Variants in TDRD9 observed in about 807,000 individuals in gnomAD.
The protein encoded by TDRD9 is ATP-dependent RNA helicase TDRD9.
Under a neutral mutation model 172.6 loss-of-function variants are expected in TDRD9, and 124 were observed. That is an observed-to-expected ratio of 0.72 (90% CI 0.62 to 0.83). TDRD9 has a LOEUF of 0.83. Ranked by LOEUF, TDRD9 falls within the 40% of genes least tolerant of loss-of-function variation. TDRD9 has a pLI of 0.00. For missense variants in TDRD9, 1,479 were observed against 1,714.1 expected (o/e 0.86, Z 2.42); for synonymous variants, 619 against 617.1 (o/e 1.00, Z -0.05).
At chr14:103,930,345 G>A (rs1010579668) in intron 1 of TDRD9, among the ~76,000 whole-genome samples, 1 of 152,026 alleles carries the variant, frequency 6.6e-6, no homozygotes, top group Non-Finnish European at 1.5e-5. Flanking sequence ...GTGCCACCAC[G>A]CCCAGCTTAT....
chr14:103,936,993 G>A (rs1444250643), intron 1 of TDRD9, among the ~76,000 whole-genome samples: 1 of 152,148 alleles, frequency 6.6e-6, no homozygotes, highest in Non-Finnish European at 1.5e-5. Flanking sequence ...TTGGCAGGCT[G>A]ACTCAGAAGG....
At chr14:104,006,923 G>A (rs2034459532) in intron 18 of TDRD9, 78 bp downstream of exon 18, 1 of 1,236,794 alleles carries the variant, frequency 8.1e-7, no homozygotes, top group East Asian at 2.5e-5. Flanking sequence ...AACATATGAG[G>A]TAGAGACAGA....
intron 24 of TDRD9, among the ~76,000 whole-genome samples, chr14:104,023,184 CAAAAAAAAAAAAAAA>C (rs10661391): frequency 7.8e-5 from 5 of 64,434 alleles, no homozygotes; most frequent in Admixed American, 5.5e-4. Context: ...GACTCCGTCT[CAAAAAAAAAAAAAAA>C]AAAAAAAAAA....
Position 104,049,664 on chromosome 14 carries a change from C to A in TDRD9, c.4031C>A (p.Pro1344His). Reference protein sequence around the residue: ...EKIVPKWHEKPYEWNQVDPKL... With the variant: ...EKIVPKWHEKHYEWNQVDPKL... ...ATTGTTCCCAAGTGGCATGAAAAGC[C>A]CTACGAGTGGAATCAGGTGAGTGGG... The change falls in exon 35 of 36, where the codon CCC becomes CAC. Residue 1344 changes from proline to histidine, a missense_variant. This residue lies in a region of TDRD9 where 1,413 missense variants were observed against 1,649.1 expected (regional missense o/e 0.86). Coordinates refer to ENST00000409874, the MANE Select transcript of TDRD9 (RefSeq NM_153046.3). 1.3e-6 allele frequency: 2 copies of A among 1,590,448 alleles called. No homozygotes were observed. The highest frequency in any genetic ancestry group is 2.3e-5 in the East Asian group (1 of 43,698).
intron 1 of TDRD9, among the ~76,000 whole-genome samples, chr14:103,944,150 G>T (rs940885075): frequency 6.9e-6 from 1 of 145,736 alleles, no homozygotes; most frequent in East Asian, 2.2e-4. Flanking sequence ...CCAAATTTCT[G>T]TTCAAGGCCC....
intron 23 of TDRD9, among the ~76,000 whole-genome samples, chr14:104,019,479 G>A (rs372915553): frequency 1.3e-5 from 2 of 152,114 alleles, no homozygotes; most frequent in African/African-American, 4.8e-5. Flanking sequence ...TTTTTTATAG[G>A]TGTTTATATC....
At chr14:103,932,853 C>CA (rs1433379848) in intron 1 of TDRD9, among the ~76,000 whole-genome samples, 1 of 151,996 alleles carries the variant, frequency 6.6e-6, no homozygotes, top group Non-Finnish European at 1.5e-5. Context: ...AGCAGAAGAA[C>CA]ATGGGCAATT....
chr14:104,040,450 C>A, intron 33 of TDRD9, 116 bp downstream of exon 33: 1 of 1,166,608 alleles, frequency 8.6e-7, no homozygotes, highest in Non-Finnish European at 1.1e-6. Flanking sequence ...ACCTCTGGTC[C>A]TGGAGATGTG....
chr14:104,005,085 ATC>A (rs771758501), intron 14 of TDRD9, 187 bp from the exon 15 acceptor site: 103 of 382,786 alleles, frequency 2.7e-4, no homozygotes, highest in Middle Eastern at 6.0e-4. Context: ...TTATTTTTCC[ATC>A]TCTTTCTCTC....
chr14:103,962,965 AGTGTGT>A (rs55873775), intron 2 of TDRD9, 108 bp from the exon 3 acceptor site: 6 of 404,646 alleles, frequency 1.5e-5, no homozygotes, highest in South Asian at 1.1e-4. Context: ...TTTGTATTTG[AGTGTGT>A]GTGTGTGTGT....
chr14:104,045,531 C>G (rs1297212753), intron 34 of TDRD9, among the ~76,000 whole-genome samples: 6 of 151,702 alleles, frequency 4.0e-5, no homozygotes, highest in African/African-American at 1.5e-4. Flanking sequence ...CGATTAGTTT[C>G]ACCATTGTGT....
intron 20 of TDRD9, chr14:104,014,073 C>T (rs906206407): frequency 1.3e-5 from 2 of 151,670 alleles, no homozygotes; most frequent in Non-Finnish European, 2.9e-5. Context: ...ACTAAAAATA[C>T]AAAAAATTAG....
intron 3 of TDRD9, 71 bp from the exon 4 acceptor site, chr14:103,965,262 A>G: frequency 3.7e-6 from 5 of 1,356,598 alleles, no homozygotes; most frequent in Non-Finnish European, 5.1e-6. Context: ...ATCCTGAAAG[A>G]CTTCTTAATA....
At chr14:104,007,781 G>A (rs1447245621) in intron 19 of TDRD9, among the ~76,000 whole-genome samples, 2 of 151,282 alleles carry the variant, frequency 1.3e-5, no homozygotes, top group Non-Finnish European at 2.9e-5. Flanking sequence ...GGTGTTTAAA[G>A]TCTTTTTTTT....
At chr14:103,991,034 AG>A in intron 8 of TDRD9, 125 bp from the exon 9 acceptor site, 2 of 1,078,784 alleles carry the variant, frequency 1.9e-6, no homozygotes, top group South Asian at 3.3e-5. Flanking sequence ...ATGTAAAATA[AG>A]GAACATTACA....
chr14:104,013,155 T>C (rs916412268), intron 20 of TDRD9, among the ~76,000 whole-genome samples: 5 of 152,210 alleles, frequency 3.3e-5, no homozygotes, highest in African/African-American at 7.2e-5. Context: ...TTAGTTGTTA[T>C]TCCCCCCAGT....
chr14:103,932,416 C>T lies in TDRD9; in HGVS notation c.215+3692C>T, dbSNP rs535992254. On this transcript the variant is annotated intron_variant, in intron 1 of 35. Coordinates refer to ENST00000409874, the MANE Select transcript of TDRD9 (RefSeq NM_153046.3). Reference sequence around the variant, plus strand: ...GCTTTTTTTCTTTTTGAGACGGAGTCTCGCTCTGTCGCCCAGGCTGGAGTG... The same window carrying T: ...GCTTTTTTTCTTTTTGAGACGGAGTTTCGCTCTGTCGCCCAGGCTGGAGTG... Among the ~76,000 whole-genome samples the T allele has an allele frequency of 2.2e-4, 34 of 152,120 alleles. 1 individual carries two copies. Among genetic ancestry groups the T allele is most frequent in the Non-Finnish European group, 4.0e-4 (27 of 67,982 alleles).
chr14:104,019,434 C>T (rs2034887537), intron 23 of TDRD9, among the ~76,000 whole-genome samples: 1 of 152,162 alleles, frequency 6.6e-6, no homozygotes, highest in African/African-American at 2.4e-5. Flanking sequence ...ACAATCTCGG[C>T]TCACTGCAAC....
chr14:104,033,865 T>C (rs1416423608), intron 30 of TDRD9, 95 bp from the exon 31 acceptor site: 1 of 726,218 alleles, frequency 1.4e-6, no homozygotes, highest in African/African-American at 1.8e-5. Flanking sequence ...CAGTTGCCCG[T>C]TTGTATTTTT....
Sources: allele counts gnomAD v4.1 joint callset (sites outside exome capture counted in the v4.1 genomes callset), GRCh38; gene constraint gnomAD v4.1.1; regional missense constraint gnomAD v4.1.1; transcripts MANE v1.5; gene names NCBI Gene and HGNC (gene_info 2026-07-23, HGNC 2026-07-21).